SCFD2: variants seen among roughly 807,000 people sequenced by gnomAD.
The protein encoded by SCFD2 is sec1 family domain-containing protein 2.
Under a neutral mutation model 58.9 loss-of-function variants are expected in SCFD2, and 54 were observed. The observed-to-expected ratio is 0.92, with a 90% CI of 0.74 to 1.15. SCFD2 has a LOEUF of 1.15. Among genes scored for constraint, SCFD2 ranks in the 50% most tolerant of loss-of-function variants. The pLI, the probability that SCFD2 is intolerant of heterozygous loss-of-function variation, is 0.00. For missense variants in SCFD2, 805 were observed against 836.6 expected (o/e 0.96, Z 0.47); for synonymous variants, 321 against 335.9 (o/e 0.96, Z 0.49).
At chr4:53,339,067 G>GA (rs1733779554) in intron 2 of SCFD2, among the ~76,000 whole-genome samples, 1 of 152,072 alleles carries the variant, frequency 6.6e-6, no homozygotes, top group Non-Finnish European at 1.5e-5. Flanking sequence ...TAAATATGAG[G>GA]AAAAAAGAAC....
chr4:53,249,194 G>A (rs1484370920), intron 4 of SCFD2, among the ~76,000 whole-genome samples: 1 of 152,186 alleles, frequency 6.6e-6, no homozygotes, highest in African/African-American at 2.4e-5. Context: ...TAAACTGGAA[G>A]AAAGGGTATC....
intron 5 of SCFD2, among the ~76,000 whole-genome samples, chr4:52,946,051 A>G (rs1720416877): frequency 1.3e-5 from 2 of 152,208 alleles, no homozygotes; most frequent in Admixed American, 1.3e-4. Context: ...GGAATAAGTT[A>G]CTATCATGGA....
chr4:53,340,251 C>T (rs1733821236), intron 2 of SCFD2, among the ~76,000 whole-genome samples: 1 of 152,166 alleles, frequency 6.6e-6, no homozygotes, highest in Non-Finnish European at 1.5e-5. Context: ...AAAATCGGGT[C>T]ACTCCCACCC....
At chr4:53,229,619 T>C (rs1040295465) in intron 4 of SCFD2, among the ~76,000 whole-genome samples, 4 of 152,158 alleles carry the variant, frequency 2.6e-5, no homozygotes, top group African/African-American at 9.7e-5. Context: ...CAAAAATTAA[T>C]TCAAGATGGA....
chr4:53,083,482 A>C (rs1219764509), intron 5 of SCFD2, among the ~76,000 whole-genome samples: 12 of 152,210 alleles, frequency 7.9e-5, no homozygotes, highest in African/African-American at 2.9e-4. Context: ...CCAAAACCAG[A>C]CAATCACACA....
intron 8 of SCFD2, among the ~76,000 whole-genome samples, chr4:52,882,798 C>T (rs1056695469): frequency 6.6e-6 from 1 of 152,210 alleles, no homozygotes; most frequent in East Asian, 1.9e-4. Flanking sequence ...CCTTAATAAA[C>T]TCCCCTTTAT....
At chr4:53,301,917 ACT>A (rs1222142179) in intron 3 of SCFD2, among the ~76,000 whole-genome samples, 3 of 152,218 alleles carry the variant, frequency 2.0e-5, no homozygotes, top group East Asian at 3.9e-4. Flanking sequence ...CATGCTAAAA[ACT>A]CTCAATAAAT....
intron 4 of SCFD2, among the ~76,000 whole-genome samples, chr4:53,218,115 T>C (rs1271650794): frequency 5.3e-5 from 8 of 152,226 alleles, no homozygotes; most frequent in Admixed American, 4.6e-4. Flanking sequence ...CTGACAATTA[T>C]GTGTCTTGGA....
chr4:53,171,176 G>A (rs1336087866), intron 4 of SCFD2, among the ~76,000 whole-genome samples: 2 of 152,140 alleles, frequency 1.3e-5, no homozygotes, highest in Non-Finnish European at 2.9e-5. Context: ...TTCTTGTGTT[G>A]AGGTACCCTT....
intron 5 of SCFD2, among the ~76,000 whole-genome samples, chr4:52,990,107 C>G (rs1721585225): frequency 6.6e-6 from 1 of 152,222 alleles, no homozygotes; most frequent in South Asian, 2.1e-4. Flanking sequence ...GTAACATGCT[C>G]ATTTACTATC....
At chr4:53,118,988 GA>G (rs1725400128) in intron 5 of SCFD2, among the ~76,000 whole-genome samples, 1 of 152,154 alleles carries the variant, frequency 6.6e-6, no homozygotes, top group Admixed American at 6.5e-5. Flanking sequence ...CTGGAAAGAA[GA>G]GGCCCAACAT....
At chr4:53,091,192 T>A (rs1479289286) in intron 5 of SCFD2, among the ~76,000 whole-genome samples, 1 of 152,032 alleles carries the variant, frequency 6.6e-6, no homozygotes, top group Non-Finnish European at 1.5e-5. Context: ...AGAAAGGAAA[T>A]TTTTTGTCTC....
intron 5 of SCFD2, among the ~76,000 whole-genome samples, chr4:53,094,075 T>C (rs1282107133): frequency 6.6e-6 from 1 of 152,108 alleles, no homozygotes; most frequent in Non-Finnish European, 1.5e-5. Flanking sequence ...ACTTCCAGCA[T>C]TAGTAGGGGT....
At chr4:53,173,951 T>TA (rs1361414420) in intron 4 of SCFD2, among the ~76,000 whole-genome samples, 8 of 152,090 alleles carry the variant, frequency 5.3e-5, no homozygotes, top group African/African-American at 1.7e-4. Context: ...ATATGTTATA[T>TA]AAAAAATGTT....
intron 5 of SCFD2, among the ~76,000 whole-genome samples, chr4:52,983,104 C>T (rs1721413274): frequency 6.6e-6 from 1 of 152,082 alleles, no homozygotes; most frequent in Non-Finnish European, 1.5e-5. Context: ...GTTTCAGTGC[C>T]TTCACAATAG....
intron 4 of SCFD2, among the ~76,000 whole-genome samples, chr4:53,219,663 G>A (rs1728988334): frequency 1.3e-5 from 2 of 152,172 alleles, no homozygotes; most frequent in South Asian, 4.2e-4. Context: ...TGTCGGACAA[G>A]CCCCAGTGAG....
chr4:53,253,962 G>A (rs528936335), intron 4 of SCFD2, among the ~76,000 whole-genome samples: 3 of 151,034 alleles, frequency 2.0e-5, no homozygotes, highest in Admixed American at 1.3e-4. Context: ...TGGAGCTGGA[G>A]GTCATTATCC....
At chr4:53,335,675 A>G (rs1733661284) in intron 2 of SCFD2, among the ~76,000 whole-genome samples, 2 of 152,216 alleles carry the variant, frequency 1.3e-5, no homozygotes, top group Admixed American at 6.5e-5. Flanking sequence ...AGTTTCTTAC[A>G]CTATTTCTGA....
At chr4:53,107,721 T>C (rs927134032) in intron 5 of SCFD2, among the ~76,000 whole-genome samples, 3 of 152,222 alleles carry the variant, frequency 2.0e-5, no homozygotes, top group African/African-American at 7.2e-5. Context: ...CCCAGATTCA[T>C]AAAATAAGTT....
Sources: gnomAD v4.1 joint callset for allele counts (sites outside exome capture counted in the v4.1 genomes callset) on GRCh38, gnomAD v4.1.1 for gene constraint, MANE v1.5 for transcripts, NCBI Gene and HGNC (gene_info 2026-07-23, HGNC 2026-07-21) for gene names.